LAPTM4B: variants seen among roughly 807,000 people sequenced by gnomAD.
The protein encoded by LAPTM4B is lysosomal protein transmembrane 4 beta.
LAPTM4B carries 26 observed loss-of-function variants against 28.5 expected under a neutral mutation model. That is an observed-to-expected ratio of 0.91 (90% CI 0.67 to 1.27). The LOEUF (loss-of-function observed/expected upper bound fraction) is 1.27, where lower values mean the gene tolerates loss of function less well. LAPTM4B is among the 50% of genes most tolerant of loss of function. The probability of loss-of-function intolerance (pLI) is 0.00; values close to 1 mark genes in which losing one functional copy is unlikely to be tolerated. For missense variants in LAPTM4B, 288 were observed against 285.8 expected (o/e 1.01, Z -0.06); for synonymous variants, 109 against 106.4 (o/e 1.02, Z -0.15).
At chr8:97,799,303 C>CTTAAGA (rs1816636813) in intron 1 of LAPTM4B, among the ~76,000 whole-genome samples, 1 of 152,144 alleles carries the variant, frequency 6.6e-6, no homozygotes, top group Admixed American at 6.6e-5. Flanking sequence ...AATTGGCTTT[C>CTTAAGA]TAGAATTGGG....
intron 1 of LAPTM4B, among the ~76,000 whole-genome samples, chr8:97,794,400 C>T (rs1816550459): frequency 1.3e-5 from 2 of 152,204 alleles, no homozygotes; most frequent in Admixed American, 6.5e-5. Flanking sequence ...GCGTGAACCA[C>T]CATGACCAGC....
At chr8:97,815,887 G>A (rs935323384) in intron 3 of LAPTM4B, among the ~76,000 whole-genome samples, 171 bp from the exon 4 acceptor site, 1 of 152,190 alleles carries the variant, frequency 6.6e-6, no homozygotes, top group Non-Finnish European at 1.5e-5. Context: ...AATGTTCACT[G>A]AAGCTTATTT....
intron 6 of LAPTM4B, among the ~76,000 whole-genome samples, chr8:97,832,013 A>G (rs1817190381): frequency 6.6e-6 from 1 of 152,178 alleles, no homozygotes; most frequent in South Asian, 2.1e-4. Flanking sequence ...GAGCAGAGGA[A>G]AAACACAGCT....
At chr8:97,816,402 C>T (rs1157693909) in intron 4 of LAPTM4B, among the ~76,000 whole-genome samples, 7 of 151,996 alleles carry the variant, frequency 4.6e-5, no homozygotes, top group Admixed American at 3.3e-4. Context: ...GCAACCTCTG[C>T]CTCCAGGGTC....
At chr8:97,846,374 G>C (rs1262330854) in intron 6 of LAPTM4B, among the ~76,000 whole-genome samples, 2 of 150,338 alleles carry the variant, frequency 1.3e-5, no homozygotes, top group East Asian at 3.9e-4. Context: ...TGTTGCCCAG[G>C]CTGGAGTGCA....
intron 5 of LAPTM4B, among the ~76,000 whole-genome samples, chr8:97,822,315 A>G (rs1465696245): frequency 1.3e-5 from 2 of 151,994 alleles, no homozygotes; most frequent in African/African-American, 2.4e-5. Context: ...GTGTGTGAGT[A>G]ATTTTTCTAG....
chr8:97,804,640 T>G (rs1037192028), intron 1 of LAPTM4B, among the ~76,000 whole-genome samples: 1 of 152,248 alleles, frequency 6.6e-6, no homozygotes, highest in Non-Finnish European at 1.5e-5. Flanking sequence ...GCATAGTGCC[T>G]GAATGTTTTT....
chr8:97,814,378 C>T (rs1816870377), intron 2 of LAPTM4B, among the ~76,000 whole-genome samples: 1 of 152,020 alleles, frequency 6.6e-6, no homozygotes, highest in African/African-American at 2.4e-5. Flanking sequence ...TGGTGGAGCA[C>T]ACCTGTAGTC....
At chr8:97,845,740 C>T (rs1477792841) in intron 6 of LAPTM4B, among the ~76,000 whole-genome samples, 1 of 152,082 alleles carries the variant, frequency 6.6e-6, no homozygotes, top group East Asian at 1.9e-4. Flanking sequence ...ATTTGGCCTG[C>T]AATTTCAGGG....
intron 1 of LAPTM4B, among the ~76,000 whole-genome samples, chr8:97,785,824 G>A (rs1456808966): frequency 6.6e-6 from 1 of 152,184 alleles, no homozygotes; most frequent in Non-Finnish European, 1.5e-5. Flanking sequence ...AAAAGGGAGG[G>A]GGAGTAGAAA....
chr8:97,799,701 A>G (rs530394412), intron 1 of LAPTM4B, among the ~76,000 whole-genome samples: 84 of 152,258 alleles, frequency 5.5e-4, no homozygotes, highest in Non-Finnish European at 1.0e-3. Context: ...AGCTCTGATC[A>G]TGTCATATCC....
intron 2 of LAPTM4B, among the ~76,000 whole-genome samples, chr8:97,806,936 C>T (rs114699877): frequency 0.043 from 6,572 of 152,220 alleles, 188 homozygotes; most frequent in Admixed American, 0.081. Context: ...TCAGCCTGGG[C>T]AACAGGTCAC....
intron 4 of LAPTM4B, among the ~76,000 whole-genome samples, chr8:97,818,577 G>A (rs1816957639): frequency 6.6e-6 from 1 of 152,152 alleles, no homozygotes; most frequent in Non-Finnish European, 1.5e-5. Flanking sequence ...CCCCACCCTG[G>A]AAGTACTTGC....
chr8:97,782,278 G>GTTTTTT (rs1816333248), intron 1 of LAPTM4B, among the ~76,000 whole-genome samples: 1 of 69,770 alleles, frequency 1.4e-5, no homozygotes, highest in South Asian at 5.1e-4. Context: ...ACCATGCCCA[G>GTTTTTT]CTTTTTTTTT....
chr8:97,814,850 C>T lies in LAPTM4B; in HGVS notation c.212-478C>T, dbSNP rs373111924. On this transcript the variant is annotated intron_variant, in intron 2 of 6. Transcript: ENST00000521545. ...CTGGGTCAGCAGGTGCCCACCACCA[C>T]GCCCGGCTAATTTTTTGTATTTTTA... 1.5e-4 allele frequency among the ~76,000 whole-genome samples: 23 copies of T among 152,118 alleles called. 1 individual carries two copies. In the East Asian group the frequency reaches 1.5e-3, roughly 10 times the overall value.
In LAPTM4B at chr8:97,775,872, G is replaced by A. The variant is rs754567791; in HGVS notation, c.-138G>A. The A allele has an allele frequency of 2.0e-6, 3 of 1,498,536 alleles. No individual in the cohort carries two copies. Among genetic ancestry groups the A allele is most frequent in the East Asian group, 2.8e-5 (1 of 35,628 alleles). 92.8% of individuals were successfully genotyped at this position (1,498,536 alleles called of 1,614,324 possible). A position where few individuals can be genotyped will look rare whatever the true frequency, so the allele number is the denominator to read the frequency against. On this transcript the variant is annotated 5_prime_UTR_variant, in exon 1 of 7. Transcript: ENST00000521545. Reference sequence around the variant, plus strand: ...GAGCTCTCGGGGTATCGAGGAGGCAGGCCCGCGGGCGCACGGGCGAGCGGG... The same window carrying A: ...GAGCTCTCGGGGTATCGAGGAGGCAAGCCCGCGGGCGCACGGGCGAGCGGG...
chr8:97,786,130 CCTT>C (rs1004409161), intron 1 of LAPTM4B, among the ~76,000 whole-genome samples: 1 of 152,194 alleles, frequency 6.6e-6, no homozygotes, highest in Admixed American at 6.6e-5. Context: ...TAGCAACTCT[CCTT>C]TTCCTCCTCC....
chr8:97,837,356 C>G (rs1257567541), intron 6 of LAPTM4B, among the ~76,000 whole-genome samples: 1 of 151,994 alleles, frequency 6.6e-6, no homozygotes, highest in Non-Finnish European at 1.5e-5. Context: ...CTATGCCTGG[C>G]TAATTTTTGT....
chr8:97,817,759 A>G, intron 4 of LAPTM4B, among the ~76,000 whole-genome samples: 1 of 148,772 alleles, frequency 6.7e-6, no homozygotes. Flanking sequence ...TAATTTTTGT[A>G]TTTTTTTTTT....
Sources: gnomAD v4.1 joint callset for allele counts (sites outside exome capture counted in the v4.1 genomes callset) on GRCh38, gnomAD v4.1.1 for gene constraint, MANE v1.5 for transcripts, NCBI Gene and HGNC (gene_info 2026-07-23, HGNC 2026-07-21) for gene names.